R3HCC1L: variants seen among roughly 807,000 people sequenced by gnomAD.
R3HCC1L encodes the protein coiled-coil domain-containing protein R3HCC1L.
A neutral mutation model predicts 59.9 loss-of-function variants in R3HCC1L; 51 were observed. The ratio of observed to expected loss-of-function variants is 0.85; its 90% CI spans 0.68 to 1.07. The LOEUF is 1.07. Among genes scored for constraint, R3HCC1L ranks in the 50% least tolerant of loss-of-function variants. The pLI, the probability that R3HCC1L is intolerant of heterozygous loss-of-function variation, is 0.00. For missense variants in R3HCC1L, 965 were observed against 933.0 expected (o/e 1.03, Z -0.45); for synonymous variants, 322 against 315.2 (o/e 1.02, Z -0.23).
chr10:98,143,349 T>G (rs1173648727), intron 1 of R3HCC1L, among the ~76,000 whole-genome samples: 2 of 152,216 alleles, frequency 1.3e-5, no homozygotes, highest in Non-Finnish European at 2.9e-5. Flanking sequence ...CTCAATACGT[T>G]CAGAATTTCT....
rs370397099 is a variant in R3HCC1L at position 98,208,957 on chromosome 10, C to G, written c.843C>G (p.Cys281Trp). The change falls in exon 5 of 10, where the codon TGC becomes TGG. Residue 281 changes from cysteine to tryptophan, a missense_variant. Transcript: ENST00000298999. The stretch of plus-strand genomic sequence containing the variant: ...CAGATGGTGTCTTTGATCAAACTTG[C>G]GTAGATTTTGAAGTTGAGAGTGTAG... Reference protein sequence around the residue: ...GSPDGVFDQTCVDFEVESVGG... With the variant: ...GSPDGVFDQTWVDFEVESVGG... The G allele has an allele frequency of 1.9e-6, 3 of 1,613,812 alleles. No homozygotes were observed. Among genetic ancestry groups the G allele is most frequent in the Non-Finnish European group, 1.7e-6 (2 of 1,179,908 alleles).
At chr10:98,215,108 A>G (rs956888187) in intron 5 of R3HCC1L, among the ~76,000 whole-genome samples, 1 of 152,164 alleles carries the variant, frequency 6.6e-6, no homozygotes, top group Non-Finnish European at 1.5e-5. Flanking sequence ...GGTCTCAGCC[A>G]GTCAACAGAT....
At chr10:98,168,945 A>G (rs1462773489) in intron 4 of R3HCC1L, among the ~76,000 whole-genome samples, 1 of 152,142 alleles carries the variant, frequency 6.6e-6, no homozygotes, top group Non-Finnish European at 1.5e-5. Flanking sequence ...TATAGAGATT[A>G]TTCTTATGCG....
chr10:98,168,140 T>A, intron 4 of R3HCC1L, among the ~76,000 whole-genome samples: 1 of 152,156 alleles, frequency 6.6e-6, no homozygotes, highest in Admixed American at 6.5e-5. Context: ...TTTTTTCTTC[T>A]CTCCCTGCCC....
intron 4 of R3HCC1L, among the ~76,000 whole-genome samples, chr10:98,163,893 T>G (rs1185939087): frequency 6.6e-6 from 1 of 152,250 alleles, no homozygotes; most frequent in African/African-American, 2.4e-5. Flanking sequence ...ATAGCTGATT[T>G]TAACTTTTAA....
At chr10:98,161,035 A>T (rs1847366289) in intron 2 of R3HCC1L, among the ~76,000 whole-genome samples, 1 of 152,204 alleles carries the variant, frequency 6.6e-6, no homozygotes, top group Non-Finnish European at 1.5e-5. Flanking sequence ...ATTTTTGGGT[A>T]AATTTTCAAA....
At position 98,168,907 on chromosome 10, in the gene R3HCC1L, A is replaced by T. The variant is rs146160916; in HGVS notation, c.-15+5510A>T. On this transcript the variant is annotated intron_variant, in intron 4 of 9. Coordinates refer to ENST00000298999, the MANE Select transcript of R3HCC1L (RefSeq NM_001351015.2). ...AAAGTAGAGAAGGGCAGCATTTTCAAATGCTTGGAGGAGTTGGTAGGAAGA... is the reference window on the plus strand; with the variant it reads ...AAAGTAGAGAAGGGCAGCATTTTCATATGCTTGGAGGAGTTGGTAGGAAGA... 4.2e-3 allele frequency among the ~76,000 whole-genome samples: 640 copies of T among 152,284 alleles called. 6 individuals carry two copies. The highest frequency in any genetic ancestry group is 0.026 in the Admixed American group (401 of 15,300).
intron 4 of R3HCC1L, among the ~76,000 whole-genome samples, chr10:98,184,707 C>T (rs1316364294): frequency 6.6e-6 from 1 of 152,188 alleles, no homozygotes; most frequent in Non-Finnish European, 1.5e-5. Context: ...TGGATTTTTC[C>T]AGTCTCCATT....
intron 4 of R3HCC1L, among the ~76,000 whole-genome samples, chr10:98,169,876 AAC>A (rs1373423989): frequency 1.3e-5 from 2 of 151,286 alleles, no homozygotes; most frequent in Non-Finnish European, 2.9e-5. Context: ...TTACTCACCT[AAC>A]ACAACCTTTT....
intron 2 of R3HCC1L, among the ~76,000 whole-genome samples, chr10:98,160,256 C>T (rs920728347): frequency 6.6e-6 from 1 of 152,186 alleles, no homozygotes; most frequent in African/African-American, 2.4e-5. Context: ...GGCAGGTAGT[C>T]TAAATCTGTG....
chr10:98,226,022 A>AT (rs1855634027), intron 5 of R3HCC1L, among the ~76,000 whole-genome samples: 1 of 151,792 alleles, frequency 6.6e-6, no homozygotes. Context: ...AATGTTTTGT[A>AT]TTTTTTGTAG....
chr10:98,150,927 G>C (rs893804246), intron 1 of R3HCC1L, among the ~76,000 whole-genome samples: 2 of 152,194 alleles, frequency 1.3e-5, no homozygotes, highest in Non-Finnish European at 2.9e-5. Flanking sequence ...ATGGTGGGAA[G>C]CTGGTTGTCC....
chr10:98,135,376 C>T (rs1163337345), intron 1 of R3HCC1L, among the ~76,000 whole-genome samples: 1 of 152,208 alleles, frequency 6.6e-6, no homozygotes, highest in East Asian at 1.9e-4. Flanking sequence ...CTGTTTAGCG[C>T]AGCCTCGGTT....
chr10:98,243,382 G>A (rs887396516), intron 9 of R3HCC1L, among the ~76,000 whole-genome samples: 3 of 152,176 alleles, frequency 2.0e-5, no homozygotes, highest in Non-Finnish European at 4.4e-5. Flanking sequence ...AGGAGCGCTT[G>A]GGTCACCAGA....
At chr10:98,162,361 A>G (rs1847510957) in intron 2 of R3HCC1L, among the ~76,000 whole-genome samples, 1 of 152,234 alleles carries the variant, frequency 6.6e-6, no homozygotes, top group Non-Finnish European at 1.5e-5. Context: ...AAAGTTTCTG[A>G]AACATATTGT....
chr10:98,142,666 G>A (rs1262712047), intron 1 of R3HCC1L, among the ~76,000 whole-genome samples: 1 of 150,024 alleles, frequency 6.7e-6, no homozygotes, highest in Non-Finnish European at 1.5e-5. Context: ...CGGGTACGGT[G>A]GCTCATACCT....
chr10:98,208,137 G>A lies in R3HCC1L; in HGVS notation c.23G>A (p.Cys8Tyr), dbSNP rs1053155493. The A allele has an allele frequency of 9.3e-6, 15 of 1,612,078 alleles. No homozygotes were observed. The highest frequency in any genetic ancestry group is 2.7e-5 in the African/African-American group (2 of 74,820). Residue 8 changes from cysteine (C) to tyrosine (Y), a missense_variant, in exon 5 of 10, where the codon TGC becomes TAC. Coordinates refer to ENST00000298999, the MANE Select transcript of R3HCC1L (RefSeq NM_001351015.2). ...GCCATGCAGCAAGAATCAGAGAGAT[G>A]CAGAGTTAGAGCCAGAAGGCCTGAC... MQQESER[C>Y]RVRARRPDMA...
At chr10:98,182,176 G>T (rs1476934757) in intron 4 of R3HCC1L, among the ~76,000 whole-genome samples, 1 of 152,144 alleles carries the variant, frequency 6.6e-6, no homozygotes, top group Non-Finnish European at 1.5e-5. Flanking sequence ...TTTGATGTTG[G>T]TGACCTACAG....
At chr10:98,230,259 TC>T (rs1376134681) in intron 5 of R3HCC1L, among the ~76,000 whole-genome samples, 1 of 152,126 alleles carries the variant, frequency 6.6e-6, no homozygotes, top group Non-Finnish European at 1.5e-5. Flanking sequence ...CAATTTCAGA[TC>T]CTGTTATTGG....
Sources: allele counts gnomAD v4.1 joint callset (sites outside exome capture counted in the v4.1 genomes callset), GRCh38; gene constraint gnomAD v4.1.1; transcripts MANE v1.5; gene names NCBI Gene and HGNC (gene_info 2026-07-23, HGNC 2026-07-21).